Variants in ZDHHC17 observed in about 807,000 individuals in gnomAD.
ZDHHC17 encodes palmitoyltransferase ZDHHC17.
In ZDHHC17, 40 loss-of-function variants were observed where a neutral mutation model predicts 90.3. The ratio of observed to expected loss-of-function variants is 0.44; its 90% CI spans 0.34 to 0.58. The LOEUF is 0.58. Ranked by LOEUF, ZDHHC17 falls within the 20% of genes least tolerant of loss-of-function variation. ZDHHC17 has a pLI of 0.01. For synonymous variants in ZDHHC17, 235 were observed against 252.4 expected, an observed-to-expected ratio of 0.93 and a Z score of 0.65; for missense variants, 614 against 780.8, an observed-to-expected ratio of 0.79 and a Z score of 2.55.
chr12:76,827,825 A>G (rs1953247788), intron 9 of ZDHHC17, among the ~76,000 whole-genome samples: 1 of 152,146 alleles, frequency 6.6e-6, no homozygotes, highest in East Asian at 1.9e-4. Context: ...CCTCCTGCCT[A>G]TATGGATAGT....
chr12:76,796,192 G>A (rs1459263114), intron 1 of ZDHHC17, among the ~76,000 whole-genome samples: 8 of 152,088 alleles, frequency 5.3e-5, no homozygotes, highest in African/African-American at 1.9e-4. Context: ...GTGGTAGGTG[G>A]TTTATCAGAG....
chr12:76,828,574 G>C (rs1953259283), intron 10 of ZDHHC17, 84 bp downstream of exon 10: 4 of 1,147,894 alleles, frequency 3.5e-6, no homozygotes, highest in Non-Finnish European at 3.8e-6. Flanking sequence ...CATTAGGACT[G>C]ATCTACTCAT....
chr12:76,814,411 A>G (rs1298697411), intron 5 of ZDHHC17, among the ~76,000 whole-genome samples: 4 of 151,920 alleles, frequency 2.6e-5, no homozygotes, highest in Non-Finnish European at 5.9e-5. Flanking sequence ...TTAAATGTTT[A>G]TATGAACCAG....
At chr12:76,811,560 G>A (rs1381561447) in intron 5 of ZDHHC17, among the ~76,000 whole-genome samples, 1 of 151,182 alleles carries the variant, frequency 6.6e-6, no homozygotes, top group Admixed American at 6.6e-5. Context: ...AGTGCTTTTG[G>A]TACAAAAAGG....
intron 5 of ZDHHC17, among the ~76,000 whole-genome samples, chr12:76,812,608 T>C (rs1254038263): frequency 6.6e-6 from 1 of 152,116 alleles, no homozygotes; most frequent in East Asian, 1.9e-4. Context: ...TTACTACATT[T>C]TTATTACTTG....
intron 1 of ZDHHC17, 139 bp downstream of exon 1, chr12:76,764,468 C>T (rs1952405808): frequency 6.3e-6 from 5 of 795,080 alleles, no homozygotes; most frequent in African/African-American, 1.7e-5. Context: ...CGAATCCAGG[C>T]CTGAGCGCGG....
chr12:76,807,020 G>C (rs1254463365), intron 3 of ZDHHC17, among the ~76,000 whole-genome samples: 1 of 152,212 alleles, frequency 6.6e-6, no homozygotes, highest in African/African-American at 2.4e-5. Context: ...CTTGGCAAAT[G>C]CAGAATGGTT....
At position 76,842,006 on chromosome 12, in the gene ZDHHC17, T is replaced by C; in HGVS notation, c.1166T>C (p.Leu389Pro). The change falls in exon 11 of 17, where the codon CTT becomes CCT. Residue 389 changes from leucine (L) to proline (P), a missense_variant. Leu to Pro is a moderately conservative substitution (Grantham distance 98). Coordinates refer to ENST00000426126, the MANE Select transcript of ZDHHC17 (RefSeq NM_015336.4). ...CATCTCAACTTTTTATTTATCCATCTTCCATTCCTTGCCAATAGTGTTGCA... is the reference window on the plus strand; with the variant it reads ...CATCTCAACTTTTTATTTATCCATCCTCCATTCCTTGCCAATAGTGTTGCA... ...WNDLNFLFIH[L>P]PFLANSVALF... The C allele has an allele frequency of 6.3e-7, 1 of 1,586,926 alleles. No individual in the cohort carries two copies. Among genetic ancestry groups the C allele is most frequent in the Non-Finnish European group, 8.6e-7 (1 of 1,167,398 alleles).
intron 8 of ZDHHC17, among the ~76,000 whole-genome samples, chr12:76,822,982 T>C (rs1241003257): frequency 1.3e-5 from 2 of 152,182 alleles, no homozygotes; most frequent in Admixed American, 6.5e-5. Context: ...ATTATTATAC[T>C]CAGAATAAAT....
intron 3 of ZDHHC17, 38 bp from the exon 4 acceptor site, chr12:76,809,005 T>A: frequency 7.6e-7 from 1 of 1,313,172 alleles, no homozygotes; most frequent in Non-Finnish European, 1.0e-6. Context: ...AAATTGAAAA[T>A]GAAAGTTATT....
intron 8 of ZDHHC17, among the ~76,000 whole-genome samples, chr12:76,826,571 G>C (rs1267520331): frequency 1.3e-5 from 2 of 152,180 alleles, no homozygotes; most frequent in Non-Finnish European, 2.9e-5. Context: ...CTGGTTATCA[G>C]TGCCCCTGTT....
rs1447423383 is a variant in ZDHHC17 at position 76,853,201 on chromosome 12, A to G, written c.*2216A>G. ...AATGCTTTTGTAGTAACCATCTTGT[A>G]GTACCTGTGAAATCTATAACTCAGA... On this transcript the variant is annotated 3_prime_UTR_variant, in exon 17 of 17. Transcript: ENST00000426126. 6.6e-6 allele frequency: 1 copy of G among 152,248 alleles called. No homozygotes were observed. Among genetic ancestry groups the G allele is most frequent in the African/African-American group, 2.4e-5 (1 of 41,470 alleles). 9.4% of individuals were successfully genotyped at this position (152,248 alleles called of 1,614,324 possible). A position where few individuals can be genotyped will look rare whatever the true frequency, so the allele number is the denominator to read the frequency against.
chr12:76,816,962 A>T (rs1953095786), intron 7 of ZDHHC17, among the ~76,000 whole-genome samples: 1 of 152,058 alleles, frequency 6.6e-6, no homozygotes, highest in Admixed American at 6.6e-5. Flanking sequence ...AACAAAAGTG[A>T]TCAGAATAGT....
chr12:76,838,859 T>C (rs1431193662), intron 10 of ZDHHC17, among the ~76,000 whole-genome samples: 1 of 152,172 alleles, frequency 6.6e-6, no homozygotes, highest in Non-Finnish European at 1.5e-5. Context: ...GAGTGGAGTA[T>C]GTATTAGTCA....
chr12:76,825,275 A>G (rs1414988276), intron 8 of ZDHHC17, among the ~76,000 whole-genome samples: 1 of 152,194 alleles, frequency 6.6e-6, no homozygotes, highest in East Asian at 1.9e-4. Context: ...CTGTGTGTGA[A>G]TCTATAATTA....
At chr12:76,801,209 A>T (rs111358617) in intron 2 of ZDHHC17, among the ~76,000 whole-genome samples, 7 of 150,432 alleles carry the variant, frequency 4.7e-5, no homozygotes, top group African/African-American at 1.7e-4. Flanking sequence ...TATATGCCAT[A>T]TAGCTTTTTT....
chr12:76,782,457 A>G (rs1217556268), intron 1 of ZDHHC17, among the ~76,000 whole-genome samples: 1 of 152,214 alleles, frequency 6.6e-6, no homozygotes, highest in East Asian at 1.9e-4. Flanking sequence ...AAGCTGGAAG[A>G]GAGGGCTTTC....
chr12:76,815,292 T>C, intron 6 of ZDHHC17, 82 bp downstream of exon 6: 1 of 853,256 alleles, frequency 1.2e-6, no homozygotes, highest in South Asian at 2.1e-5. Flanking sequence ...AAGCAGTTAA[T>C]ACTATACTCA....
At chr12:76,804,593 C>T (rs1361427331) in intron 2 of ZDHHC17, among the ~76,000 whole-genome samples, 1 of 152,084 alleles carries the variant, frequency 6.6e-6, no homozygotes, top group African/African-American at 2.4e-5. Flanking sequence ...GAGGGGTCAG[C>T]CCATAAAAGG....
Sources: gnomAD v4.1 joint callset for allele counts (sites outside exome capture counted in the v4.1 genomes callset) on GRCh38, gnomAD v4.1.1 for gene constraint, MANE v1.5 for transcripts, NCBI Gene and HGNC (gene_info 2026-07-23, HGNC 2026-07-21) for gene names.